Variants in KYAT3 observed in about 807,000 individuals in gnomAD.
KYAT3 encodes kynurenine aminotransferase 3.
In KYAT3, 50 loss-of-function variants were observed where a neutral mutation model predicts 59.0. That is an observed-to-expected ratio of 0.85 (90% CI 0.68 to 1.07). The LOEUF is 1.07. Ranked by LOEUF, KYAT3 falls within the 50% of genes least tolerant of loss-of-function variation. The pLI, the probability that KYAT3 is intolerant of heterozygous loss-of-function variation, is 0.00. For synonymous variants in KYAT3, 148 were observed against 177.0 expected (o/e 0.84, Z 1.30); for missense variants, 497 against 533.3 (o/e 0.93, Z 0.67).
At chr1:88,975,402 T>C (rs553169186) in intron 2 of KYAT3, among the ~76,000 whole-genome samples, 4 of 152,140 alleles carry the variant, frequency 2.6e-5, no homozygotes, top group Admixed American at 6.5e-5. Context: ...CTGCCCACCT[T>C]GGCCTCCCAA....
At position 88,942,997 on chromosome 1, in the gene KYAT3, G is replaced by A. The variant is rs770126287; in HGVS notation, c.1302+8C>T. 10 of 1,580,726 alleles carry A rather than the reference G, an allele frequency of 6.3e-6. No homozygotes were observed. Among genetic ancestry groups the A allele is most frequent in the African/African-American group, 1.4e-5 (1 of 74,066 alleles). On this transcript the variant is annotated splice_region_variant and intron_variant, in intron 13 of 13. Coordinates refer to ENST00000260508, the MANE Select transcript of KYAT3 (RefSeq NM_001008661.3). ...ATATATGTGTTTTCAATAGAGCAGG[G>A]AACTTACTTTAATGAAGCAAAAACG... is the stretch of plus-strand genomic sequence containing the variant.
chr1:88,956,650 C>T (rs1480755794), intron 8 of KYAT3, among the ~76,000 whole-genome samples: 1 of 152,068 alleles, frequency 6.6e-6, no homozygotes, highest in Non-Finnish European at 1.5e-5. Context: ...CTTTCTGCAG[C>T]CAGTAATTCT....
At chr1:88,976,678 A>G (rs1387272992) in intron 2 of KYAT3, among the ~76,000 whole-genome samples, 1 of 152,248 alleles carries the variant, frequency 6.6e-6, no homozygotes, top group Non-Finnish European at 1.5e-5. Context: ...AGACATTGTT[A>G]TCATAGCAGA....
the KYAT3 span, among the ~76,000 whole-genome samples, chr1:88,928,901 C>A: frequency 3.9e-5 from 6 of 152,094 alleles, no homozygotes; most frequent in Non-Finnish European, 7.4e-5. Flanking sequence ...TTTTCACATG[C>A]TTTTCTAATT....
chr1:88,973,253 A>G (rs544876796), intron 2 of KYAT3, among the ~76,000 whole-genome samples: 1 of 152,300 alleles, frequency 6.6e-6, no homozygotes, highest in South Asian at 2.1e-4. Context: ...CTTATCTCAG[A>G]CTTTTAGCCT....
chr1:88,948,048 C>T (rs1042105960), intron 11 of KYAT3, among the ~76,000 whole-genome samples: 3 of 152,044 alleles, frequency 2.0e-5, no homozygotes, highest in African/African-American at 4.8e-5. Flanking sequence ...GCTGAGATCA[C>T]GCCACTGCAC....
At chr1:88,933,714 G>A (rs1227198992), downstream of KYAT3, among the ~76,000 whole-genome samples, 1 of 152,216 alleles carries the variant, frequency 6.6e-6, no homozygotes, top group African/African-American at 2.4e-5. Context: ...AGTAGCATTA[G>A]ACAAGTCCAG....
chr1:88,954,061 C>G (rs1309781494), intron 9 of KYAT3, among the ~76,000 whole-genome samples: 1 of 152,038 alleles, frequency 6.6e-6, no homozygotes, highest in Non-Finnish European at 1.5e-5. Flanking sequence ...GCCACCACGC[C>G]CAGCTAATTT....
intron 2 of KYAT3, among the ~76,000 whole-genome samples, chr1:88,986,313 T>TAA (rs1362947645): frequency 7.0e-6 from 1 of 141,852 alleles, no homozygotes; most frequent in Admixed American, 7.0e-5. Context: ...TAGACTCTCT[T>TAA]AAAAAAAAAA....
At chr1:88,987,000 C>T (rs1677497182) in intron 2 of KYAT3, among the ~76,000 whole-genome samples, 1 of 152,106 alleles carries the variant, frequency 6.6e-6, no homozygotes, top group Non-Finnish European at 1.5e-5. Flanking sequence ...ATAAAGCTAC[C>T]ACACAACCCA....
intron 13 of KYAT3, among the ~76,000 whole-genome samples, chr1:88,940,536 C>A (rs985764854): frequency 3.3e-5 from 5 of 151,482 alleles, no homozygotes; most frequent in East Asian, 2.0e-4. Flanking sequence ...TGGGGCAGCA[C>A]CAGAAAAGAG....
At chr1:88,965,106 T>C (rs1376255936) in intron 4 of KYAT3, 128 bp from the exon 5 acceptor site, 1 of 657,324 alleles carries the variant, frequency 1.5e-6, no homozygotes, top group Non-Finnish European at 2.5e-6. Context: ...CCCAAGAAAA[T>C]TTATATTTTT....
At chr1:88,931,170 C>T (rs1057390291), downstream of KYAT3, among the ~76,000 whole-genome samples, 1 of 152,102 alleles carries the variant, frequency 6.6e-6, no homozygotes, top group Non-Finnish European at 1.5e-5. Flanking sequence ...ATCAGATGGC[C>T]AAATCATTAT....
At chr1:88,934,185 T>C (rs1424772312), downstream of KYAT3, among the ~76,000 whole-genome samples, 2 of 152,196 alleles carry the variant, frequency 1.3e-5, no homozygotes, top group African/African-American at 4.8e-5. Context: ...CTGGGTGCGG[T>C]GGCTCATGCC....
At chr1:88,979,589 T>TTA (rs1169771510) in intron 2 of KYAT3, 1 of 152,090 alleles carries the variant, frequency 6.6e-6, no homozygotes, top group East Asian at 1.9e-4. Flanking sequence ...AAAAAGTACC[T>TTA]TAAAAGATGC....
downstream of KYAT3, among the ~76,000 whole-genome samples, chr1:88,933,254 T>A (rs1470857736): frequency 6.6e-6 from 1 of 152,202 alleles, no homozygotes; most frequent in African/African-American, 2.4e-5. Context: ...CCTGGCTAGA[T>A]GAAAAGCCTA....
intron 10 of KYAT3, among the ~76,000 whole-genome samples, chr1:88,952,103 A>AACC (rs1432080395): frequency 6.6e-6 from 1 of 152,228 alleles, no homozygotes. Flanking sequence ...TGAGCTGAAG[A>AACC]ACCGTAGGAT....
chr1:88,953,703 G>A (rs550007098), intron 9 of KYAT3, among the ~76,000 whole-genome samples: 24 of 152,156 alleles, frequency 1.6e-4, no homozygotes, highest in Non-Finnish European at 2.6e-4. Flanking sequence ...GTAAACAGCC[G>A]GCGATCATTA....
chr1:88,964,310 G>A (rs1676257978), intron 5 of KYAT3, among the ~76,000 whole-genome samples: 1 of 152,234 alleles, frequency 6.6e-6, no homozygotes, highest in Admixed American at 6.5e-5. Flanking sequence ...AAGAGTAAAG[G>A]TTATTTTAGC....
Sources: allele counts gnomAD v4.1 joint callset (sites outside exome capture counted in the v4.1 genomes callset), GRCh38; gene constraint gnomAD v4.1.1; transcripts MANE v1.5; gene names NCBI Gene and HGNC (gene_info 2026-07-23, HGNC 2026-07-21).